CRB1: variants seen among roughly 807,000 people sequenced by gnomAD.
CRB1 encodes the protein crumbs cell polarity complex component 1.
A neutral mutation model predicts 120.0 loss-of-function variants in CRB1; 83 were observed. That is an observed-to-expected ratio of 0.69 (90% CI 0.58 to 0.83). The LOEUF (loss-of-function observed/expected upper bound fraction) is 0.83. CRB1 is among the 40% of genes least tolerant of loss of function. CRB1 has a pLI of 0.00. For synonymous variants in CRB1, 625 were observed against 612.5 expected (o/e 1.02, Z -0.30); for missense variants, 1,699 against 1,687.6 (o/e 1.01, Z -0.12).
intron 5 of CRB1, among the ~76,000 whole-genome samples, chr1:197,418,918 A>G (rs958476418): frequency 3.3e-5 from 5 of 152,224 alleles, no homozygotes; most frequent in African/African-American, 1.2e-4. Context: ...ACAGGACACT[A>G]CACATGCCCA....
chr1:197,450,553 C>T (rs1665908974), intron 11 of CRB1, among the ~76,000 whole-genome samples: 1 of 151,786 alleles, frequency 6.6e-6, no homozygotes. Context: ...GATATTTTGT[C>T]TAGAAAGGGA....
chr1:197,210,363 C>A, the CRB1 span, among the ~76,000 whole-genome samples: 1 of 152,090 alleles, frequency 6.6e-6, no homozygotes, highest in South Asian at 2.1e-4. Flanking sequence ...CTCATTCAAT[C>A]AGTTGAAGGC....
At chr1:197,358,843 G>A (rs936967993) in intron 5 of CRB1, among the ~76,000 whole-genome samples, 6 of 152,184 alleles carry the variant, frequency 3.9e-5, no homozygotes, top group African/African-American at 1.2e-4. Context: ...CAGAAAAGAC[G>A]AGAAAATCTA....
rs182797805 is a variant in CRB1 at position 197,306,083 on chromosome 1, C to T, written c.71-22339C>T. The stretch of plus-strand genomic sequence containing the variant: ...AAAGAGTGCCTGGAAACGAACAGCA[C>T]CAAGGAATGTAAGCAGAGGAATAGG... On this transcript the variant is annotated intron_variant, in intron 1 of 11. Transcript: ENST00000367400. Among the ~76,000 whole-genome samples the T allele has an allele frequency of 1.5e-4, 23 of 151,986 alleles. No homozygotes were observed. The East Asian group carries it at 3.9e-3, about 26-fold the overall frequency.
chr1:197,281,377 G>A (rs1400117311), intron 1 of CRB1, among the ~76,000 whole-genome samples: 1 of 151,814 alleles, frequency 6.6e-6, no homozygotes, highest in Non-Finnish European at 1.5e-5. Flanking sequence ...TGTAGAGAGA[G>A]GATAATATCT....
chr1:197,413,920 T>C (rs943036325), intron 5 of CRB1: 24 of 456,600 alleles, frequency 5.3e-5, no homozygotes, highest in Non-Finnish European at 9.7e-5. Context: ...AGTAGGTGTT[T>C]GGATGGATAC....
At chr1:197,393,485 T>C (rs1662613001) in intron 5 of CRB1, among the ~76,000 whole-genome samples, 1 of 151,870 alleles carries the variant, frequency 6.6e-6, no homozygotes, top group South Asian at 2.1e-4. Flanking sequence ...TAGATGAATA[T>C]GCCAGGCACT....
intron 1 of CRB1, among the ~76,000 whole-genome samples, chr1:197,285,018 A>G (rs934055931): frequency 6.6e-6 from 1 of 151,884 alleles, no homozygotes; most frequent in Non-Finnish European, 1.5e-5. Flanking sequence ...CATTACAGGA[A>G]TATTGAGGGA....
At chr1:197,224,439 C>G in the CRB1 span, among the ~76,000 whole-genome samples, 1 of 152,052 alleles carries the variant, frequency 6.6e-6, no homozygotes, top group South Asian at 2.1e-4. Context: ...GTCACAGTTC[C>G]TTTAATGAGT....
At chr1:197,405,128 C>G (rs546692387) in intron 5 of CRB1, among the ~76,000 whole-genome samples, 1 of 151,992 alleles carries the variant, frequency 6.6e-6, no homozygotes, top group Non-Finnish European at 1.5e-5. Context: ...GATGCCGAGC[C>G]GAAGCTGGAC....
chr1:197,466,521 T>C (rs1282474356), intron 11 of CRB1, among the ~76,000 whole-genome samples: 1 of 152,196 alleles, frequency 6.6e-6, no homozygotes, highest in Non-Finnish European at 1.5e-5. Context: ...GTTCTCAGCA[T>C]ATCTATTGGC....
In CRB1 at chr1:197,305,546, T is replaced by G. The variant is rs685856; in HGVS notation, c.71-22876T>G. ...AATATTATTTATATATACATATATA[T>G]AGAGAGAGAAGAGAAATAATTATGC... On this transcript the variant is annotated intron_variant, in intron 1 of 11. Transcript: ENST00000367400. Among the ~76,000 whole-genome samples the G allele has an allele frequency of 7.6e-3, 1,160 of 151,830 alleles. 5 individuals are homozygous for G. Among genetic ancestry groups the G allele is most frequent in the African/African-American group, 0.021 (881 of 41,464 alleles).
the CRB1 span, among the ~76,000 whole-genome samples, chr1:197,238,775 C>A: frequency 6.6e-6 from 1 of 151,816 alleles, no homozygotes; most frequent in Non-Finnish European, 1.5e-5. Flanking sequence ...ACCCAGGAGG[C>A]AGAGGTTGCA....
At chr1:197,239,115 A>G in the CRB1 span, among the ~76,000 whole-genome samples, 25 of 152,004 alleles carry the variant, frequency 1.6e-4, no homozygotes, top group African/African-American at 4.6e-4. Flanking sequence ...TAAATTTATT[A>G]AGTTTTTTTA....
intron 11 of CRB1, among the ~76,000 whole-genome samples, chr1:197,472,514 A>G (rs1014261756): frequency 6.6e-6 from 1 of 152,138 alleles, no homozygotes; most frequent in Non-Finnish European, 1.5e-5. Flanking sequence ...TTTCCAAAAA[A>G]TCCTGCAATG....
chr1:197,405,642 G>T (rs950545237), intron 5 of CRB1, among the ~76,000 whole-genome samples: 1 of 151,036 alleles, frequency 6.6e-6, no homozygotes, highest in Non-Finnish European at 1.5e-5. Context: ...GAGTGTCTCT[G>T]CCCGGCCGCC....
At chr1:197,372,718 AAAAAAACAAAT>A (rs1460700091) in intron 5 of CRB1, among the ~76,000 whole-genome samples, 2 of 151,750 alleles carry the variant, frequency 1.3e-5, no homozygotes, top group African/African-American at 2.4e-5. Flanking sequence ...TCTTTAAAAA[AAAAAAACAAAT>A]AAAAAAACTG....
At chr1:197,222,302 A>G in the CRB1 span, 1 of 673,450 alleles carries the variant, frequency 1.5e-6, no homozygotes, top group Non-Finnish European at 2.8e-6. Flanking sequence ...TTATTTTCAG[A>G]AATGGAAATT....
intron 11 of CRB1, among the ~76,000 whole-genome samples, chr1:197,453,894 TATTATATTATTAATATATATTATTG>T (rs1666134132): frequency 8.2e-6 from 1 of 122,326 alleles, no homozygotes; most frequent in Non-Finnish European, 1.7e-5. Flanking sequence ...TTATTAATAT[TATTATATTATTAATATATATTATTG>T]ATATTATTAT....
Sources: allele counts gnomAD v4.1 joint callset (sites outside exome capture counted in the v4.1 genomes callset), GRCh38; gene constraint gnomAD v4.1.1; transcripts MANE v1.5; gene names NCBI Gene and HGNC (gene_info 2026-07-23, HGNC 2026-07-21).